DNER: variants seen among roughly 807,000 people sequenced by gnomAD.
DNER encodes the protein delta/notch like EGF repeat containing.
Under a neutral mutation model 78.2 loss-of-function variants are expected in DNER, and 33 were observed. That is an observed-to-expected ratio of 0.42 (90% CI 0.32 to 0.56). The LOEUF (loss-of-function observed/expected upper bound fraction) is 0.56. DNER is among the 20% of genes least tolerant of loss of function. DNER has a pLI of 0.11. For missense variants in DNER, 918 were observed against 975.3 expected (o/e 0.94, Z 0.78); for synonymous variants, 417 against 384.8 (o/e 1.08, Z -0.98).
At chr2:229,636,009 TAAGTA>T (rs1413375317) in intron 1 of DNER, among the ~76,000 whole-genome samples, 7 of 152,142 alleles carry the variant, frequency 4.6e-5, no homozygotes, top group Non-Finnish European at 1.5e-5. Context: ...ACAAAAAAGT[TAAGTA>T]ATTTGGCCAT....
intron 11 of DNER, among the ~76,000 whole-genome samples, 155 bp from the exon 12 acceptor site, chr2:229,367,274 C>T (rs1351285448): frequency 2.6e-5 from 4 of 152,122 alleles, no homozygotes; most frequent in African/African-American, 7.2e-5. Context: ...GGGTTAATAT[C>T]CTTACTACAT....
chr2:229,469,310 A>C (rs890372573), intron 7 of DNER, among the ~76,000 whole-genome samples: 2 of 152,218 alleles, frequency 1.3e-5, no homozygotes, highest in Non-Finnish European at 2.9e-5. Context: ...TTCAGGATCA[A>C]ACAAACCTGT....
intron 7 of DNER, among the ~76,000 whole-genome samples, chr2:229,470,461 T>C (rs1694901821): frequency 6.6e-6 from 1 of 152,096 alleles, no homozygotes; most frequent in Non-Finnish European, 1.5e-5. Flanking sequence ...GCATTTTTAT[T>C]TAAACAACCT....
chr2:229,396,693 T>C (rs1668128908), intron 10 of DNER, among the ~76,000 whole-genome samples: 1 of 152,196 alleles, frequency 6.6e-6, no homozygotes, highest in Non-Finnish European at 1.5e-5. Context: ...ATTAAACCCC[T>C]TGGTAATTGT....
chr2:229,435,016 A>T (rs551027207), intron 8 of DNER, among the ~76,000 whole-genome samples: 2 of 151,948 alleles, frequency 1.3e-5, no homozygotes, highest in Non-Finnish European at 2.9e-5. Flanking sequence ...GTTATGGTAG[A>T]TTGAAAAAAA....
intron 4 of DNER, among the ~76,000 whole-genome samples, chr2:229,547,789 G>T (rs1317355948): frequency 6.6e-6 from 1 of 152,266 alleles, no homozygotes; most frequent in East Asian, 1.9e-4. Flanking sequence ...CACCGTATTT[G>T]TCATTGAATG....
intron 1 of DNER, among the ~76,000 whole-genome samples, chr2:229,612,251 T>C (rs1222609295): frequency 6.6e-6 from 1 of 152,190 alleles, no homozygotes; most frequent in Non-Finnish European, 1.5e-5. Context: ...ATCGGTGGAA[T>C]TGGGATCTCT....
At chr2:229,494,658 A>G (rs763904916) in intron 6 of DNER, among the ~76,000 whole-genome samples, 1 of 152,198 alleles carries the variant, frequency 6.6e-6, no homozygotes, top group Non-Finnish European at 1.5e-5. Context: ...TTAGAAACAA[A>G]GGAGGAAGCC....
At chr2:229,510,655 C>A (rs1328488212) in intron 6 of DNER, among the ~76,000 whole-genome samples, 1 of 152,146 alleles carries the variant, frequency 6.6e-6, no homozygotes, top group Non-Finnish European at 1.5e-5. Context: ...CGCTGGAAGA[C>A]GAGCTGTGTA....
At chr2:229,597,405 A>T (rs1697742747) in intron 1 of DNER, among the ~76,000 whole-genome samples, 2 of 152,216 alleles carry the variant, frequency 1.3e-5, no homozygotes, top group Non-Finnish European at 2.9e-5. Flanking sequence ...TATACAGTCA[A>T]GATTTTTTTA....
intron 1 of DNER, among the ~76,000 whole-genome samples, chr2:229,637,605 T>C (rs927537909): frequency 1.3e-4 from 20 of 152,374 alleles, no homozygotes; most frequent in Middle Eastern, 3.4e-3. Flanking sequence ...TTCTATGTAA[T>C]GGTGCTCTAG....
chr2:229,497,533 T>A (rs1695523241), intron 6 of DNER, among the ~76,000 whole-genome samples: 3 of 145,330 alleles, frequency 2.1e-5, no homozygotes, highest in South Asian at 2.3e-4. Flanking sequence ...ATAAATAAAG[T>A]CAACAAAACT....
intron 6 of DNER, among the ~76,000 whole-genome samples, chr2:229,509,583 A>G (rs6718834): frequency 0.83 from 125,569 of 152,204 alleles, 52,266 homozygotes; most frequent in African/African-American, 0.93. Flanking sequence ...GGAGGCCGAG[A>G]TGGGTAGATC....
intron 6 of DNER, among the ~76,000 whole-genome samples, chr2:229,494,948 T>G (rs1695469719): frequency 6.6e-6 from 1 of 152,212 alleles, no homozygotes; most frequent in South Asian, 2.1e-4. Context: ...CTGAGATTGC[T>G]GATTAAACCC....
At chr2:229,562,216 C>T (rs569373996) in intron 4 of DNER, among the ~76,000 whole-genome samples, 17 of 152,256 alleles carry the variant, frequency 1.1e-4, no homozygotes, top group African/African-American at 3.4e-4. Flanking sequence ...CACATCCCAC[C>T]ACCTCTGCCA....
At position 229,431,949 on chromosome 2, in the gene DNER, AAT is replaced by A. The variant is rs1694016002; in HGVS notation, c.1487-13721_1487-13720del. Among the ~76,000 whole-genome samples, 3 of 152,322 alleles carry A rather than the reference AAT, an allele frequency of 2.0e-5. No individual in the cohort carries two copies. The South Asian group carries it at 6.2e-4, about 32-fold the overall frequency. On this transcript the variant is annotated intron_variant, in intron 8 of 12. Coordinates refer to ENST00000341772, the MANE Select transcript of DNER (RefSeq NM_139072.4). Reference sequence around the variant, plus strand: ...TTTCTCTACAGCTTGCAAATTCACCAATATGTCCTCTATAAACATATGGTGTC... The same window carrying A: ...TTTCTCTACAGCTTGCAAATTCACCAATGTCCTCTATAAACATATGGTGTC...
chr2:229,657,348 A>G (rs1483790798), intron 1 of DNER, among the ~76,000 whole-genome samples: 1 of 152,180 alleles, frequency 6.6e-6, no homozygotes, highest in Non-Finnish European at 1.5e-5. Flanking sequence ...AAAATATTCC[A>G]ATGTATATAG....
intron 8 of DNER, among the ~76,000 whole-genome samples, chr2:229,420,209 A>G (rs149790177): frequency 6.6e-6 from 1 of 152,242 alleles, no homozygotes; most frequent in East Asian, 1.9e-4. Flanking sequence ...AACAGAGACC[A>G]TATGGCCTGC....
intron 1 of DNER, among the ~76,000 whole-genome samples, chr2:229,650,144 T>C (rs994089339): frequency 6.6e-6 from 1 of 151,034 alleles, no homozygotes; most frequent in Non-Finnish European, 1.5e-5. Flanking sequence ...TTACATCCCA[T>C]GAAATAAACG....
Sources: gnomAD v4.1 joint callset for allele counts (sites outside exome capture counted in the v4.1 genomes callset) on GRCh38, gnomAD v4.1.1 for gene constraint, MANE v1.5 for transcripts, NCBI Gene and HGNC (gene_info 2026-07-23, HGNC 2026-07-21) for gene names.